Variants in RBBP8 observed in about 807,000 individuals in gnomAD.
RBBP8 encodes DNA endonuclease RBBP8.
Under a neutral mutation model 108.3 loss-of-function variants are expected in RBBP8, and 88 were observed. The observed-to-expected ratio is 0.81, with a 90% CI of 0.68 to 0.97. RBBP8 has a LOEUF of 0.97. RBBP8 is among the 50% of genes least tolerant of loss of function. RBBP8 has a pLI of 0.00. For synonymous variants in RBBP8, 332 were observed against 348.2 expected, an observed-to-expected ratio of 0.95 and a Z score of 0.52; for missense variants, 1,023 against 1,049.0, an observed-to-expected ratio of 0.98 and a Z score of 0.34.
At position 23,001,607 on chromosome 18, in the gene RBBP8, A is replaced by C. The variant is rs750234883; in HGVS notation, c.2165A>C (p.Asp722Ala). The C allele has an allele frequency of 3.1e-6, 5 of 1,614,032 alleles. No homozygotes were observed. Among genetic ancestry groups the C allele is most frequent in the Non-Finnish European group, 4.2e-6 (5 of 1,180,016 alleles). The change falls in exon 15 of 19, where the codon GAT becomes GCT. Residue 722 changes from aspartate (D) to alanine (A), a missense_variant. Physicochemically the swap from Asp to Ala is moderately radical, Grantham distance 126. Transcript: ENST00000327155. ...KSSNEERKMN[D>A]SLEDMFDRTT... ...ATAGATGAAGAAAGAAAAATGAATG[A>C]TAGCTTGGAAGATATGTTTGATCGG...
At chr18:23,022,656 A>AATAAAATAAAAAT (rs2046382715) in intron 18 of RBBP8, among the ~76,000 whole-genome samples, 32 of 72,332 alleles carry the variant, frequency 4.4e-4, no homozygotes, top group African/African-American at 1.0e-3. Flanking sequence ...TACAATATAA[A>AATAAAATAAAAAT]ATAAAATAAA....
At chr18:23,024,757 A>C (rs1468593680) in intron 18 of RBBP8, 1 of 152,224 alleles carries the variant, frequency 6.6e-6, no homozygotes, top group African/African-American at 2.4e-5. Flanking sequence ...TATGTGATTG[A>C]AAAGTATAGT....
At chr18:22,934,336 C>T (rs553765300) in intron 1 of RBBP8, 1 of 152,260 alleles carries the variant, frequency 6.6e-6, no homozygotes, top group Non-Finnish European at 1.5e-5. Flanking sequence ...GTTTTTAAGG[C>T]ACTGTACATC....
intron 7 of RBBP8, among the ~76,000 whole-genome samples, chr18:22,983,282 A>G (rs1915075633): frequency 6.6e-6 from 1 of 152,240 alleles, no homozygotes; most frequent in Non-Finnish European, 1.5e-5. Context: ...GTACTACTAT[A>G]TTTGTATAAT....
intron 2 of RBBP8, among the ~76,000 whole-genome samples, chr18:22,940,446 G>C (rs1910986029): frequency 6.7e-6 from 1 of 150,234 alleles, no homozygotes; most frequent in Non-Finnish European, 1.5e-5. Flanking sequence ...TCAGCCTCCT[G>C]ACTAGCTGGG....
chr18:22,994,107 G>A (rs1354766441), intron 12 of RBBP8, among the ~76,000 whole-genome samples: 3 of 126,330 alleles, frequency 2.4e-5, no homozygotes, highest in South Asian at 5.3e-4. Flanking sequence ...TGCAAGCTCC[G>A]CCTCCCGGGT....
At chr18:22,979,988 A>G (rs998064717) in intron 6 of RBBP8, among the ~76,000 whole-genome samples, 1 of 150,528 alleles carries the variant, frequency 6.6e-6, no homozygotes, top group African/African-American at 2.4e-5. Flanking sequence ...GTTCACGCCT[A>G]TAATCTCAGC....
intron 15 of RBBP8, among the ~76,000 whole-genome samples, chr18:23,003,050 A>G (rs1567993309): frequency 6.6e-6 from 1 of 152,206 alleles, no homozygotes; most frequent in Non-Finnish European, 1.5e-5. Context: ...CTTCTCACTT[A>G]GCTTTTCTGA....
intron 3 of RBBP8, among the ~76,000 whole-genome samples, chr18:22,926,711 T>C (rs1909803741): frequency 1.3e-5 from 2 of 152,190 alleles, no homozygotes; most frequent in South Asian, 2.1e-4. Context: ...CCAATGTAGC[T>C]AGAGTGAAGA....
In RBBP8 at chr18:22,939,812, A is replaced by G. The variant is rs149827188; in HGVS notation, c.109+2852A>G. Among the ~76,000 whole-genome samples the G allele has an allele frequency of 3.0e-3, 450 of 152,304 alleles. 3 individuals carry two copies. The highest frequency in any genetic ancestry group is 5.3e-3 in the Admixed American group (81 of 15,296). On this transcript the variant is annotated intron_variant, in intron 2 of 18. Coordinates refer to ENST00000327155, the MANE Select transcript of RBBP8 (RefSeq NM_002894.3). The stretch of plus-strand genomic sequence containing the variant: ...TGTTATTATCTGAAAACATGAAGGA[A>G]GAACTGAGGGTGTGTGTGGTTGCAT...
At chr18:22,975,972 A>G (rs1030644870) in intron 6 of RBBP8, among the ~76,000 whole-genome samples, 2 of 152,168 alleles carry the variant, frequency 1.3e-5, no homozygotes, top group African/African-American at 4.8e-5. Flanking sequence ...TCCCATTTAT[A>G]TAAAGCTTAT....
Position 23,022,212 on chromosome 18 carries a change from C to T in RBBP8, c.2538C>T (p.Asn846=), listed in dbSNP as rs1209323293. Residue 846 remains asparagine, a synonymous_variant, in exon 18 of 19, where the codon AAC becomes AAT. Transcript: ENST00000327155. ...SRHRFRYIPP[N]TPENFWEVGF... is the part of the protein sequence containing the mutation. ...ACCGATTCCGCTACATTCCACCCAA[C>T]ACACCAGAGAATTTTTGGGAAGTTG... 4.3e-6 allele frequency: 7 copies of T among 1,612,364 alleles called. No homozygotes were observed. The African/African-American group carries it at 8.0e-5, about 18-fold the overall frequency.
chr18:22,947,594 T>G (rs1313811699), intron 3 of RBBP8, among the ~76,000 whole-genome samples: 2 of 152,104 alleles, frequency 1.3e-5, no homozygotes, highest in Non-Finnish European at 2.9e-5. Context: ...GAGTTTTTAG[T>G]AAAATGCTGC....
At chr18:23,010,605 A>G (rs2046140957) in intron 16 of RBBP8, among the ~76,000 whole-genome samples, 2 of 152,130 alleles carry the variant, frequency 1.3e-5, no homozygotes, top group African/African-American at 4.8e-5. Context: ...CTCCAAAAAA[A>G]AAAAGAACTG....
intron 16 of RBBP8, among the ~76,000 whole-genome samples, chr18:23,009,147 T>C (rs567689674): frequency 2.8e-4 from 42 of 152,138 alleles, no homozygotes; most frequent in Non-Finnish European, 5.9e-4. Flanking sequence ...CCACAGGATA[T>C]TTATGTAAAC....
At chr18:22,949,187 G>A (rs954928118) in intron 3 of RBBP8, among the ~76,000 whole-genome samples, 3 of 152,150 alleles carry the variant, frequency 2.0e-5, no homozygotes, top group African/African-American at 7.2e-5. Flanking sequence ...TTTTGCATCT[G>A]GGCGTAGGGT....
intron 6 of RBBP8, among the ~76,000 whole-genome samples, chr18:22,981,878 G>A (rs550377319): frequency 5.3e-5 from 8 of 152,174 alleles, no homozygotes; most frequent in South Asian, 2.1e-4. Flanking sequence ...CATGGCTCTC[G>A]TTCATGTAAT....
At chr18:22,992,585 A>G (rs1305223518) in intron 10 of RBBP8, among the ~76,000 whole-genome samples, 163 bp from the exon 11 acceptor site, 1 of 152,244 alleles carries the variant, frequency 6.6e-6, no homozygotes, top group African/African-American at 2.4e-5. Context: ...AATACTTCCT[A>G]TGTCATTTTC....
Position 22,993,866 on chromosome 18 carries a change from G to T in RBBP8, c.1939+19G>T, listed in dbSNP as rs773256739. On this transcript the variant is annotated intron_variant, in intron 12 of 18. Coordinates refer to ENST00000327155, the MANE Select transcript of RBBP8 (RefSeq NM_002894.3). ...AACCAAGGTGTGTACACCATAAACA[G>T]GATCTCCACTTTTTTAATGACTTCA... 6.2e-7 allele frequency: 1 copy of T among 1,605,886 alleles called. No homozygotes were observed. The highest frequency in any genetic ancestry group is 8.5e-7 in the Non-Finnish European group (1 of 1,173,210).
Sources: gnomAD v4.1 joint callset for allele counts (sites outside exome capture counted in the v4.1 genomes callset) on GRCh38, gnomAD v4.1.1 for gene constraint, MANE v1.5 for transcripts, NCBI Gene and HGNC (gene_info 2026-07-23, HGNC 2026-07-21) for gene names.